Variants in PTPRG observed in about 807,000 individuals in gnomAD.
The protein encoded by PTPRG is receptor-type tyrosine-protein phosphatase gamma.
In PTPRG, 102 loss-of-function variants were observed where a neutral mutation model predicts 165.3. The ratio of observed to expected loss-of-function variants is 0.62; its 90% CI spans 0.53 to 0.73. PTPRG has a LOEUF of 0.73. Among genes scored for constraint, PTPRG ranks in the 30% least tolerant of loss-of-function variants. PTPRG has a pLI of 0.00. For synonymous variants in PTPRG, 675 were observed against 669.5 expected, an observed-to-expected ratio of 1.01 and a Z score of -0.13; for missense variants, 1,866 against 1,861.4, an observed-to-expected ratio of 1.00 and a Z score of -0.05.
At chr3:61,904,370 A>G (rs756690872) in intron 2 of PTPRG, among the ~76,000 whole-genome samples, 4 of 152,190 alleles carry the variant, frequency 2.6e-5, no homozygotes, top group African/African-American at 4.8e-5. Context: ...CTGTCTCTAA[A>G]GCAGGGTCAG....
intron 8 of PTPRG, 114 bp from the exon 9 acceptor site, chr3:62,191,355 A>G (rs1405501935): frequency 2.3e-6 from 2 of 857,284 alleles, no homozygotes; most frequent in African/African-American, 3.4e-5. Flanking sequence ...AGAAGGGAGC[A>G]TGGGTGCTTC....
At chr3:61,671,544 TACACAG>T (rs1404801271) in intron 1 of PTPRG, among the ~76,000 whole-genome samples, 1 of 148,620 alleles carries the variant, frequency 6.7e-6, no homozygotes, top group Non-Finnish European at 1.5e-5. Flanking sequence ...TACCTCTTTC[TACACAG>T]ACACGGCAAC....
intron 4 of PTPRG, among the ~76,000 whole-genome samples, chr3:62,076,761 TG>T (rs1277523416): frequency 6.6e-6 from 1 of 152,068 alleles, no homozygotes; most frequent in African/African-American, 2.4e-5. Context: ...TTGTATTTTT[TG>T]TAGGAACAGG....
At chr3:61,733,639 G>A (rs1370672732) in intron 1 of PTPRG, among the ~76,000 whole-genome samples, 2 of 152,168 alleles carry the variant, frequency 1.3e-5, no homozygotes, top group African/African-American at 4.8e-5. Flanking sequence ...TTTAGGAATG[G>A]ATTTATTTCT....
At chr3:61,734,593 G>A (rs1267391467) in intron 1 of PTPRG, among the ~76,000 whole-genome samples, 1 of 152,186 alleles carries the variant, frequency 6.6e-6, no homozygotes, top group Non-Finnish European at 1.5e-5. Context: ...TACTGCATAT[G>A]CGATGTCTTT....
At chr3:62,232,525 T>G (rs188970268) in intron 14 of PTPRG, among the ~76,000 whole-genome samples, 2 of 152,260 alleles carry the variant, frequency 1.3e-5, no homozygotes, top group Non-Finnish European at 2.9e-5. Flanking sequence ...CAGTCCATTA[T>G]AAATATGTTG....
chr3:61,657,642 T>C (rs1271557124), intron 1 of PTPRG, among the ~76,000 whole-genome samples: 2 of 152,174 alleles, frequency 1.3e-5, no homozygotes, highest in African/African-American at 4.8e-5. Context: ...TGGGATTCAT[T>C]GTGCCCTAGT....
intron 2 of PTPRG, among the ~76,000 whole-genome samples, chr3:61,961,980 C>T (rs2040162691): frequency 6.6e-6 from 1 of 152,080 alleles, no homozygotes; most frequent in East Asian, 1.9e-4. Flanking sequence ...TGCTGTCTTA[C>T]ACCCAGCTCC....
At chr3:61,827,890 TA>T (rs1009864674) in intron 2 of PTPRG, among the ~76,000 whole-genome samples, 1 of 152,190 alleles carries the variant, frequency 6.6e-6, no homozygotes, top group Non-Finnish European at 1.5e-5. Flanking sequence ...TAACAGATAA[TA>T]AAATAGTGCA....
intron 2 of PTPRG, among the ~76,000 whole-genome samples, chr3:61,921,640 A>G (rs1418109565): frequency 6.6e-6 from 1 of 152,234 alleles, no homozygotes; most frequent in Non-Finnish European, 1.5e-5. Flanking sequence ...TATAAGGTAT[A>G]TGTGAAAGTT....
chr3:61,572,726 CTAGCAG>C (rs1700085401), intron 1 of PTPRG, among the ~76,000 whole-genome samples: 3 of 152,134 alleles, frequency 2.0e-5, no homozygotes, highest in Admixed American at 6.5e-5. Context: ...ATAGGAAGGT[CTAGCAG>C]CCTAGGGCCT....
intron 10 of PTPRG, among the ~76,000 whole-genome samples, chr3:62,197,720 T>G (rs1159883184): frequency 6.6e-6 from 1 of 152,210 alleles, no homozygotes; most frequent in Non-Finnish European, 1.5e-5. Flanking sequence ...CTTACCTGAT[T>G]AATAGACCCA....
At chr3:61,958,302 G>T (rs1417359644) in intron 2 of PTPRG, among the ~76,000 whole-genome samples, 1 of 151,936 alleles carries the variant, frequency 6.6e-6, no homozygotes, top group East Asian at 1.9e-4. Context: ...AGTTCTTTTT[G>T]TATTTTTAGT....
At chr3:61,982,210 A>G (rs1208246268) in intron 2 of PTPRG, among the ~76,000 whole-genome samples, 1 of 152,192 alleles carries the variant, frequency 6.6e-6, no homozygotes, top group Non-Finnish European at 1.5e-5. Context: ...TCCATTTTAT[A>G]AACACTTAAG....
At chr3:61,832,012 A>T (rs2036310631) in intron 2 of PTPRG, among the ~76,000 whole-genome samples, 1 of 152,212 alleles carries the variant, frequency 6.6e-6, no homozygotes, top group Admixed American at 6.5e-5. Flanking sequence ...TTTCTAGATG[A>T]TTTCATTTAT....
At chr3:62,267,091 G>C (rs543178518) in intron 17 of PTPRG, among the ~76,000 whole-genome samples, 10 of 152,066 alleles carry the variant, frequency 6.6e-5, no homozygotes, top group Admixed American at 5.9e-4. Flanking sequence ...GGGAACAGGG[G>C]CATAGGGCAT....
intron 12 of PTPRG, among the ~76,000 whole-genome samples, chr3:62,209,039 C>T (rs915897865): frequency 5.9e-5 from 9 of 152,188 alleles, no homozygotes; most frequent in Admixed American, 2.6e-4. Flanking sequence ...CTGGCTTTGG[C>T]GCCAGTTCCC....
intron 5 of PTPRG, among the ~76,000 whole-genome samples, chr3:62,109,184 C>T (rs900974961): frequency 6.6e-6 from 1 of 152,154 alleles, no homozygotes; most frequent in South Asian, 2.1e-4. Context: ...CTAGGTCTTA[C>T]ATTTAAGTCT....
At chr3:61,575,570 G>A (rs1393427377) in intron 1 of PTPRG, among the ~76,000 whole-genome samples, 1 of 150,228 alleles carries the variant, frequency 6.7e-6, no homozygotes, top group Non-Finnish European at 1.5e-5. Context: ...TGTGTGCAAA[G>A]CACCAGAAAA....
Sources: allele counts gnomAD v4.1 joint callset (sites outside exome capture counted in the v4.1 genomes callset), GRCh38; gene constraint gnomAD v4.1.1; transcripts MANE v1.5; gene names NCBI Gene and HGNC (gene_info 2026-07-23, HGNC 2026-07-21).